EPHA6: variants seen among roughly 807,000 people sequenced by gnomAD.
The protein encoded by EPHA6 is ephrin type-A receptor 6.
Under a neutral mutation model 112.0 loss-of-function variants are expected in EPHA6, and 50 were observed. The observed-to-expected ratio is 0.45, with a 90% CI of 0.36 to 0.56. The LOEUF is 0.56. Ranked by LOEUF, EPHA6 falls within the 20% of genes least tolerant of loss-of-function variation. The pLI is 0.00. For missense variants in EPHA6, 1,280 were observed against 1,417.4 expected (o/e 0.90, Z 1.56); for synonymous variants, 529 against 490.7 (o/e 1.08, Z -1.03).
At position 96,814,641 on chromosome 3, in the gene EPHA6, T is replaced by A. The variant is rs1370290385; in HGVS notation, c.18T>A (p.Pro6=). MQFPS[P]PAARSSPAPQ... ...TGTGGTGGATGCAATTCCCCTCGCC[T>A]CCAGCCGCGAGGAGCTCCCCGGCGC... The change falls in exon 1 of 18, where the codon CCT becomes CCA. Residue 6 remains proline (P), a synonymous_variant. Transcript: ENST00000389672. 4.1e-6 allele frequency: 6 copies of A among 1,470,850 alleles called. No individual in the cohort carries two copies. Among genetic ancestry groups the A allele is most frequent in the Non-Finnish European group, 5.4e-6 (6 of 1,111,330 alleles). 91.1% of individuals were successfully genotyped at this position (1,470,850 alleles called of 1,614,324 possible).
intron 3 of EPHA6, among the ~76,000 whole-genome samples, chr3:97,170,079 A>G (rs2076656891): frequency 1.3e-5 from 2 of 151,662 alleles, no homozygotes; most frequent in Non-Finnish European, 2.9e-5. Flanking sequence ...ATGTATGCCT[A>G]TGTAACAAAC....
chr3:97,054,163 A>AACACACAC (rs138411869), intron 3 of EPHA6, among the ~76,000 whole-genome samples: 4 of 145,648 alleles, frequency 2.7e-5, no homozygotes, highest in Non-Finnish European at 4.6e-5. Flanking sequence ...ATAACTATCT[A>AACACACAC]ACACACACAC....
At chr3:97,375,552 A>C (rs1364458959) in intron 5 of EPHA6, among the ~76,000 whole-genome samples, 1 of 152,170 alleles carries the variant, frequency 6.6e-6, no homozygotes, top group Non-Finnish European at 1.5e-5. Flanking sequence ...TTCTAACTAT[A>C]AAAAGGAGAC....
At chr3:97,565,696 G>A (rs1372513326) in intron 11 of EPHA6, among the ~76,000 whole-genome samples, 1 of 151,994 alleles carries the variant, frequency 6.6e-6, no homozygotes, top group Non-Finnish European at 1.5e-5. Flanking sequence ...TTATTATAAA[G>A]GAATATCTGA....
intron 1 of EPHA6, among the ~76,000 whole-genome samples, 165 bp from the exon 2 acceptor site, chr3:96,866,660 T>C: frequency 6.6e-6 from 1 of 151,676 alleles, no homozygotes; most frequent in East Asian, 1.9e-4. Flanking sequence ...TATTTTATAT[T>C]AATATTTAAT....
Position 97,726,664 on chromosome 3 carries a change from C to T in EPHA6, c.2934+6254C>T, listed in dbSNP as rs56381540. On this transcript the variant is annotated intron_variant, in intron 15 of 17. Coordinates refer to ENST00000389672, the MANE Select transcript of EPHA6 (RefSeq NM_001080448.3). ...TTTTCTTCTTTTTTATAAGGTATTT[C>T]AGGGTAATGTTTTATGTTATTTTCA... 4.1e-3 allele frequency among the ~76,000 whole-genome samples: 620 copies of T among 152,064 alleles called. 3 individuals are homozygous for T. Among genetic ancestry groups the T allele is most frequent in the Middle Eastern group, 0.01 (3 of 292 alleles).
intron 5 of EPHA6, among the ~76,000 whole-genome samples, chr3:97,398,814 C>CT (rs1455430268): frequency 6.6e-6 from 1 of 150,982 alleles, no homozygotes; most frequent in Non-Finnish European, 1.5e-5. Flanking sequence ...CTCATGAATT[C>CT]TTTTTTTAGT....
chr3:97,419,496 G>A (rs963729483), intron 6 of EPHA6, among the ~76,000 whole-genome samples: 5 of 151,904 alleles, frequency 3.3e-5, no homozygotes, highest in African/African-American at 7.3e-5. Flanking sequence ...GTGGTGGCAG[G>A]CACCTGTAAT....
In EPHA6 at chr3:97,699,638, A is replaced by C. The variant is rs1016028024; in HGVS notation, c.2785-20623A>C. Among the ~76,000 whole-genome samples, 13 of 152,210 alleles carry C rather than the reference A, an allele frequency of 8.5e-5. 1 individual carries two copies. Among genetic ancestry groups the C allele is most frequent in the African/African-American group, 2.9e-4 (12 of 41,454 alleles). On this transcript the variant is annotated intron_variant, in intron 14 of 17. Coordinates refer to ENST00000389672, the MANE Select transcript of EPHA6 (RefSeq NM_001080448.3). ...GAGAAACATAGGACACAATAACGGGAATCTGATAAACAGTTCCCAAGTCCA... is the reference window on the plus strand; with the variant it reads ...GAGAAACATAGGACACAATAACGGGCATCTGATAAACAGTTCCCAAGTCCA...
intron 5 of EPHA6, among the ~76,000 whole-genome samples, chr3:97,349,031 G>A (rs1023501734): frequency 2.0e-5 from 3 of 152,026 alleles, no homozygotes; most frequent in African/African-American, 4.8e-5. Context: ...TATACTGCCC[G>A]TAAAAATTGT....
intron 5 of EPHA6, among the ~76,000 whole-genome samples, chr3:97,258,047 C>T (rs1426938755): frequency 6.6e-6 from 1 of 151,946 alleles, no homozygotes; most frequent in Non-Finnish European, 1.5e-5. Context: ...TCTTATCTTG[C>T]TTGTTCTTTC....
intron 2 of EPHA6, among the ~76,000 whole-genome samples, chr3:96,886,673 A>G (rs1225550176): frequency 6.6e-6 from 1 of 152,300 alleles, no homozygotes; most frequent in African/African-American, 2.4e-5. Flanking sequence ...GGCCATTTAC[A>G]TTCCATGTTA....
At chr3:96,846,803 A>G (rs1273242069) in intron 1 of EPHA6, among the ~76,000 whole-genome samples, 1 of 152,022 alleles carries the variant, frequency 6.6e-6, no homozygotes, top group Non-Finnish European at 1.5e-5. Flanking sequence ...CCTTTACTCT[A>G]TCTTGTCTTG....
intron 5 of EPHA6, among the ~76,000 whole-genome samples, chr3:97,303,322 G>T (rs936344218): frequency 6.6e-6 from 1 of 151,960 alleles, no homozygotes; most frequent in Non-Finnish European, 1.5e-5. Flanking sequence ...AAAGAATTTT[G>T]AGAAGGGAAG....
intron 2 of EPHA6, among the ~76,000 whole-genome samples, chr3:96,881,862 A>G (rs1376909752): frequency 2.0e-5 from 3 of 152,182 alleles, no homozygotes; most frequent in Admixed American, 6.5e-5. Context: ...TGCAAATCCA[A>G]AATCCAGCAG....
intron 1 of EPHA6, among the ~76,000 whole-genome samples, chr3:96,839,069 A>G (rs1254950902): frequency 2.0e-5 from 3 of 152,116 alleles, no homozygotes; most frequent in Non-Finnish European, 4.4e-5. Context: ...TTGAGTTTTT[A>G]TGTAGTGATT....
intron 4 of EPHA6, among the ~76,000 whole-genome samples, chr3:97,241,609 T>C (rs2078847981): frequency 6.6e-6 from 1 of 151,746 alleles, no homozygotes; most frequent in South Asian, 2.1e-4. Context: ...TAAATCTTAG[T>C]AAATGATTCA....
intron 2 of EPHA6, among the ~76,000 whole-genome samples, chr3:96,939,427 G>A (rs2107681135): frequency 6.6e-6 from 1 of 152,282 alleles, no homozygotes; most frequent in African/African-American, 2.4e-5. Flanking sequence ...ATGGTAGTTT[G>A]TATTTCTGTG....
intron 5 of EPHA6, among the ~76,000 whole-genome samples, chr3:97,360,479 ATGT>A (rs2084319334): frequency 6.6e-6 from 1 of 152,158 alleles, no homozygotes; most frequent in African/African-American, 2.4e-5. Context: ...ATTTATTCAA[ATGT>A]TGTCAATGAA....
Sources: allele counts gnomAD v4.1 joint callset (sites outside exome capture counted in the v4.1 genomes callset), GRCh38; gene constraint gnomAD v4.1.1; transcripts MANE v1.5; gene names NCBI Gene and HGNC (gene_info 2026-07-23, HGNC 2026-07-21).